Variants in KCNQ5 observed in about 807,000 individuals in gnomAD.
The protein encoded by KCNQ5 is potassium voltage-gated channel subfamily KQT member 5.
In KCNQ5, 30 loss-of-function variants were observed where a neutral mutation model predicts 98.2. The ratio of observed to expected loss-of-function variants is 0.31; its 90% CI spans 0.23 to 0.41. The LOEUF is 0.41. Ranked by LOEUF, KCNQ5 falls within the 10% of genes least tolerant of loss-of-function variation. The pLI is 1.00. For missense variants in KCNQ5, 835 were observed against 1,182.5 expected (o/e 0.71, Z 4.31); for synonymous variants, 458 against 449.4 (o/e 1.02, Z -0.24).
intron 1 of KCNQ5, among the ~76,000 whole-genome samples, chr6:72,699,222 C>A (rs1768672619): frequency 1.3e-5 from 2 of 152,094 alleles, no homozygotes; most frequent in Non-Finnish European, 2.9e-5. Flanking sequence ...GATCCAGATT[C>A]TCTTTTAGGG....
intron 1 of KCNQ5, among the ~76,000 whole-genome samples, chr6:72,625,217 A>G (rs899028592): frequency 6.6e-6 from 1 of 152,246 alleles, no homozygotes; most frequent in Non-Finnish European, 1.5e-5. Context: ...AATAATTATT[A>G]TAATGGTATT....
At chr6:72,658,578 A>ATATATATTTTTTTTTT (rs1226386362) in intron 1 of KCNQ5, among the ~76,000 whole-genome samples, 1 of 76,380 alleles carries the variant, frequency 1.3e-5, no homozygotes, top group African/African-American at 4.4e-5. Flanking sequence ...ATATATATAT[A>ATATATATTTTTTTTTT]TTTTTTTTTT....
intron 1 of KCNQ5, among the ~76,000 whole-genome samples, chr6:72,815,774 A>G (rs1022685231): frequency 6.6e-6 from 1 of 152,192 alleles, no homozygotes; most frequent in Non-Finnish European, 1.5e-5. Context: ...GATAAAATTG[A>G]TATGACTCAT....
At chr6:72,640,635 C>T (rs1055857261) in intron 1 of KCNQ5, 2 of 152,136 alleles carry the variant, frequency 1.3e-5, no homozygotes, top group African/African-American at 4.8e-5. Context: ...GATAAAAACA[C>T]ACTCTTAAAG....
chr6:73,081,909 G>T (rs1582318441), intron 5 of KCNQ5, among the ~76,000 whole-genome samples: 1 of 152,218 alleles, frequency 6.6e-6, no homozygotes, highest in African/African-American at 2.4e-5. Flanking sequence ...ATTCCTGAAT[G>T]CTAAACACAC....
chr6:72,856,019 T>A (rs1037529235), intron 1 of KCNQ5, among the ~76,000 whole-genome samples: 1 of 152,194 alleles, frequency 6.6e-6, no homozygotes. Flanking sequence ...AAGTATACAC[T>A]CTTACTGTGT....
intron 1 of KCNQ5, among the ~76,000 whole-genome samples, chr6:72,847,228 C>T (rs534259709): frequency 6.6e-6 from 1 of 152,206 alleles, no homozygotes; most frequent in Non-Finnish European, 1.5e-5. Context: ...TGTAATGGCA[C>T]GGTTTCAGCT....
intron 1 of KCNQ5, chr6:72,987,486 A>C: frequency 1.5e-6 from 1 of 664,736 alleles, no homozygotes. Flanking sequence ...TCTCAAACTT[A>C]CTGGTGGCTT....
At chr6:73,003,046 A>G (rs577957908) in intron 1 of KCNQ5, among the ~76,000 whole-genome samples, 17 of 150,876 alleles carry the variant, frequency 1.1e-4, no homozygotes, top group South Asian at 1.0e-3. Flanking sequence ...AATATGACCT[A>G]GAGCAAATAG....
At chr6:72,736,258 T>G (rs1278963523) in intron 1 of KCNQ5, among the ~76,000 whole-genome samples, 1 of 152,132 alleles carries the variant, frequency 6.6e-6, no homozygotes, top group African/African-American at 2.4e-5. Context: ...AAAATGGTTC[T>G]GTACAAATAA....
chr6:73,059,097 TA>T (rs1435971081), intron 3 of KCNQ5, among the ~76,000 whole-genome samples: 1 of 152,174 alleles, frequency 6.6e-6, no homozygotes, highest in Admixed American at 6.5e-5. Flanking sequence ...CATTCTACCT[TA>T]AAGACATATG....
chr6:72,975,792 T>C (rs1768135107), intron 1 of KCNQ5, among the ~76,000 whole-genome samples: 1 of 152,224 alleles, frequency 6.6e-6, no homozygotes, highest in African/African-American at 2.4e-5. Context: ...TCCACGGCCC[T>C]GTAGCATAAC....
At chr6:72,809,436 C>T (rs1775128174) in intron 1 of KCNQ5, among the ~76,000 whole-genome samples, 1 of 151,882 alleles carries the variant, frequency 6.6e-6, no homozygotes, top group Non-Finnish European at 1.5e-5. Flanking sequence ...CCTGTAATCC[C>T]AGCTACTCAG....
intron 1 of KCNQ5, among the ~76,000 whole-genome samples, chr6:72,695,924 A>C (rs1768470500): frequency 6.6e-6 from 1 of 152,182 alleles, no homozygotes; most frequent in Non-Finnish European, 1.5e-5. Flanking sequence ...AAAAGGTAAC[A>C]ATTTTTTTAA....
At chr6:72,794,400 C>A (rs1448714632) in intron 1 of KCNQ5, among the ~76,000 whole-genome samples, 1 of 151,216 alleles carries the variant, frequency 6.6e-6, no homozygotes, top group East Asian at 1.9e-4. Flanking sequence ...AACCTGGCAC[C>A]AAATTACTTT....
chr6:72,789,134 A>G (rs554821236), intron 1 of KCNQ5, among the ~76,000 whole-genome samples: 20 of 151,736 alleles, frequency 1.3e-4, no homozygotes, highest in African/African-American at 4.6e-4. Flanking sequence ...CCCACCCTCC[A>G]TGGTTTTTGT....
At chr6:73,024,160 G>T (rs1770749018) in intron 2 of KCNQ5, among the ~76,000 whole-genome samples, 1 of 152,094 alleles carries the variant, frequency 6.6e-6, no homozygotes, top group Non-Finnish European at 1.5e-5. Context: ...TAAGCAGTCA[G>T]TCCTTACCCT....
At chr6:72,910,606 G>GT (rs1562062225) in intron 1 of KCNQ5, among the ~76,000 whole-genome samples, 4 of 87,518 alleles carry the variant, frequency 4.6e-5, no homozygotes, top group East Asian at 3.1e-4. Context: ...GTGTGTGTGT[G>GT]GCTGATAAAT....
chr6:72,786,782 G>A (rs954497835), intron 1 of KCNQ5, among the ~76,000 whole-genome samples: 11 of 151,962 alleles, frequency 7.2e-5, no homozygotes, highest in African/African-American at 2.2e-4. Flanking sequence ...AGAGGCGGGC[G>A]GATCACGAGG....
Sources: gnomAD v4.1 joint callset for allele counts (sites outside exome capture counted in the v4.1 genomes callset) on GRCh38, gnomAD v4.1.1 for gene constraint, MANE v1.5 for transcripts, NCBI Gene and HGNC (gene_info 2026-07-23, HGNC 2026-07-21) for gene names.